The following MAP3K4 variants were observed in gnomAD, a reference collection of about 807,000 sequenced individuals.
MAP3K4 encodes mitogen-activated protein kinase kinase kinase 4, also known as MAP three kinase 1.
MAP3K4 carries 67 observed loss-of-function variants against 185.6 expected under a neutral mutation model. The ratio of observed to expected loss-of-function variants is 0.36; its 90% CI spans 0.30 to 0.44. The LOEUF (loss-of-function observed/expected upper bound fraction) is 0.44, where lower values mean the gene tolerates loss of function less well. MAP3K4 is among the 20% of genes least tolerant of loss of function. The pLI, the probability that MAP3K4 is intolerant of heterozygous loss-of-function variation, is 1.00. For missense variants in MAP3K4, 1,551 were observed against 1,995.1 expected (o/e 0.78, Z 4.24); for synonymous variants, 702 against 710.4 (o/e 0.99, Z 0.19).
rs1778290925 is a variant in MAP3K4, at chr6:161,110,317, A to T, written c.4396+403A>T. Among the ~76,000 whole-genome samples the T allele has an allele frequency of 6.6e-6, 1 of 152,230 alleles. No individual in the cohort carries two copies. The highest frequency in any genetic ancestry group is 1.9e-4 in the East Asian group (1 of 5,198). ...ACAGTAAATCAGATCAGAAGTGCACATATAAATTTGAGGCTACGTTTTTGA... is the reference window on the plus strand; with the variant it reads ...ACAGTAAATCAGATCAGAAGTGCACTTATAAATTTGAGGCTACGTTTTTGA... On this transcript the variant is annotated intron_variant, in intron 23 of 26. Coordinates refer to ENST00000392142, the MANE Select transcript of MAP3K4 (RefSeq NM_005922.4). This position sits in a 1 kb window ranked among gnomAD's most constrained non-coding sequence, Gnocchi z 4.8.
Position 161,108,943 on chromosome 6 carries a change from C to T in MAP3K4, c.4236+84C>T. The T allele has an allele frequency of 1.2e-6, 2 of 1,608,626 alleles. No individual in the cohort carries two copies. Among genetic ancestry groups the T allele is most frequent in the South Asian group, 1.1e-5 (1 of 90,810 alleles). On this transcript the variant is annotated intron_variant, in intron 22 of 26. Coordinates refer to ENST00000392142, the MANE Select transcript of MAP3K4 (RefSeq NM_005922.4). The surrounding 1 kb of genome is among the most constrained non-coding windows in gnomAD (Gnocchi z 5.7). ...TCCTGTTCTACATCACAGGTCTTCT[C>T]ATTTCAGAGCACAGTAACTTTGCCT...
At position 160,991,878 on chromosome 6, in the gene MAP3K4, C is replaced by G; in HGVS notation, c.-54C>G. 6 of 1,444,096 alleles carry G rather than the reference C, an allele frequency of 4.2e-6. No individual in the cohort carries two copies. Among genetic ancestry groups the G allele is most frequent in the Non-Finnish European group, 5.4e-6 (6 of 1,109,314 alleles). The allele number at this position is 1,444,096 out of a possible 1,614,324, so 89.5% of individuals were successfully genotyped here. A position where few individuals can be genotyped will look rare whatever the true frequency, so the allele number is the denominator to read the frequency against. ...CCCGCACTTCGGGGCTCCGGTGCCCCGCGCCAGGCTGCAGCTTACTGCCCG... is the reference window on the plus strand; with the variant it reads ...CCCGCACTTCGGGGCTCCGGTGCCCGGCGCCAGGCTGCAGCTTACTGCCCG... On this transcript the variant is annotated 5_prime_UTR_variant, in exon 1 of 27. Coordinates refer to ENST00000392142, the MANE Select transcript of MAP3K4 (RefSeq NM_005922.4). This position sits in a 1 kb window ranked among gnomAD's most constrained non-coding sequence, Gnocchi z 5.7.
Position 161,088,487 on chromosome 6 carries a change from A to T in MAP3K4, c.2823+533A>T, listed in dbSNP as rs1785853126. 6.6e-6 allele frequency among the ~76,000 whole-genome samples: 1 copy of T among 152,152 alleles called. No individual in the cohort carries two copies. The highest frequency in any genetic ancestry group is 2.4e-5 in the African/African-American group (1 of 41,430). On this transcript the variant is annotated intron_variant, in intron 10 of 26. Transcript: ENST00000392142. The surrounding 1 kb of genome is among the most constrained non-coding windows in gnomAD (Gnocchi z 4.5). Reference sequence around the variant, plus strand: ...TGCACCTTGAGCTCAGCCTCACCAGAACTGAGTATACACTGGCCTGCTGTA... The same window carrying T: ...TGCACCTTGAGCTCAGCCTCACCAGTACTGAGTATACACTGGCCTGCTGTA...
intron 1 of MAP3K4, among the ~76,000 whole-genome samples, chr6:161,005,962 A>T (rs1562476088): frequency 6.6e-6 from 1 of 151,966 alleles, no homozygotes; most frequent in African/African-American, 2.4e-5. Context: ...TAATTTTTGT[A>T]TTTTTAATAG....
chr6:161,091,294 A>C lies in MAP3K4; in HGVS notation c.2974-85A>C. 1 of 1,133,802 alleles carries C rather than the reference A, an allele frequency of 8.8e-7. No individual in the cohort carries two copies. The highest frequency in any genetic ancestry group is 2.1e-5 in the Admixed American group (1 of 46,538). The allele number at this position is 1,133,802 out of a possible 1,614,324, so 70.2% of individuals were successfully genotyped here. ...GTTTGTAGTGGTTAATGTCTGTGTG[A>C]TGATGAACGAAATCTTCCTTTAAAA... On this transcript the variant is annotated intron_variant, in intron 11 of 26. Coordinates refer to ENST00000392142, the MANE Select transcript of MAP3K4 (RefSeq NM_005922.4). The surrounding 1 kb of genome is among the most constrained non-coding windows in gnomAD (Gnocchi z 5.5).
At chr6:161,092,235 G>A (rs1466105604) in intron 13 of MAP3K4, 92 bp downstream of exon 13, 8 of 1,397,262 alleles carry the variant, frequency 5.7e-6, no homozygotes, top group African/African-American at 5.7e-5. Flanking sequence ...TTGAGCAGAC[G>A]ACACAGAAGG....
At position 161,056,666 on chromosome 6, in the gene MAP3K4, G is replaced by A. The variant is rs1179479522; in HGVS notation, c.1707+6687G>A. Among the ~76,000 whole-genome samples, 1 of 152,184 alleles carries A rather than the reference G, an allele frequency of 6.6e-6. No homozygotes were observed. Among genetic ancestry groups the A allele is most frequent in the African/African-American group, 2.4e-5 (1 of 41,442 alleles). On this transcript the variant is annotated intron_variant, in intron 3 of 26. Transcript: ENST00000392142. This position sits in a 1 kb window ranked among gnomAD's most constrained non-coding sequence, Gnocchi z 5.4. ...GTGAGGAATAAATTTATCAACTAGG[G>A]TGTAGTGTTTCAGTCAAGTTCCTTT...
chr6:161,085,801 A>G (rs1175907757), intron 7 of MAP3K4, among the ~76,000 whole-genome samples: 1 of 152,228 alleles, frequency 6.6e-6, no homozygotes, highest in Non-Finnish European at 1.5e-5. Flanking sequence ...ATGGTGAACT[A>G]GAGAGCGGTT....
chr6:161,095,451 A>G (rs186636591), intron 15 of MAP3K4, among the ~76,000 whole-genome samples: 6 of 152,344 alleles, frequency 3.9e-5, no homozygotes, highest in Non-Finnish European at 8.8e-5. Flanking sequence ...ATTGTTGCTT[A>G]CTTTCTTCCT....
Position 161,091,948 on chromosome 6 carries a change from AGTGT to A in MAP3K4, c.3136-58_3136-55del. On this transcript the variant is annotated intron_variant, in intron 12 of 26. Transcript: ENST00000392142. The surrounding 1 kb of genome is among the most constrained non-coding windows in gnomAD (Gnocchi z 5.5). ...GAAAACATTTTAGACATGGCATTAT[AGTGT>A]GTGATATTATTTAATGATCATTTCC... The A allele has an allele frequency of 6.0e-6, 8 of 1,344,434 alleles. No individual in the cohort carries two copies. The highest frequency in any genetic ancestry group is 8.5e-6 in the Non-Finnish European group (8 of 941,400). 83.3% of individuals were successfully genotyped at this position (1,344,434 alleles called of 1,614,324 possible).
rs1179877150 is a variant in MAP3K4 at position 161,007,474 on chromosome 6, T to G, written c.152+15391T>G. Among the ~76,000 whole-genome samples, 1 of 152,188 alleles carries G rather than the reference T, an allele frequency of 6.6e-6. No homozygotes were observed. The highest frequency in any genetic ancestry group is 2.4e-5 in the African/African-American group (1 of 41,454). Reference sequence around the variant, plus strand: ...ACACAGAACGTGGATTTCCTATCCATTGCTCTCTTAAGGAGCACAGGGCTC... The same window carrying G: ...ACACAGAACGTGGATTTCCTATCCAGTGCTCTCTTAAGGAGCACAGGGCTC... On this transcript the variant is annotated intron_variant, in intron 1 of 26. Coordinates refer to ENST00000392142, the MANE Select transcript of MAP3K4 (RefSeq NM_005922.4). The surrounding 1 kb of genome is among the most constrained non-coding windows in gnomAD (Gnocchi z 4.5).
In MAP3K4 at chr6:161,109,665, G is replaced by A. The variant is rs1443913423; in HGVS notation, c.4237-90G>A. 12 of 1,257,814 alleles carry A rather than the reference G, an allele frequency of 9.5e-6. No homozygotes were observed. The highest frequency in any genetic ancestry group is 3.9e-5 in the South Asian group (3 of 76,966). 77.9% of individuals were successfully genotyped at this position (1,257,814 alleles called of 1,614,324 possible). ...TACCGTTAGAAAGAACATTCCTTTG[G>A]GGTGTGGCCTAGGAAGTTTTCCAGA... On this transcript the variant is annotated intron_variant, in intron 22 of 26. Transcript: ENST00000392142. The surrounding 1 kb of genome is among the most constrained non-coding windows in gnomAD (Gnocchi z 5.7).
chr6:161,009,061 C>T (rs762907820), intron 1 of MAP3K4, among the ~76,000 whole-genome samples: 7 of 151,496 alleles, frequency 4.6e-5, no homozygotes, highest in Admixed American at 2.0e-4. Context: ...CTCGGCTTAC[C>T]ACAACCTCCG....
Position 161,096,107 on chromosome 6 carries a change from C to G in MAP3K4, c.3428-973C>G, listed in dbSNP as rs1028905643. Among the ~76,000 whole-genome samples the G allele has an allele frequency of 9.9e-5, 15 of 152,008 alleles. No homozygotes were observed. Among genetic ancestry groups the G allele is most frequent in the Admixed American group, 6.5e-5 (1 of 15,270 alleles). On this transcript the variant is annotated intron_variant, in intron 15 of 26. Coordinates refer to ENST00000392142, the MANE Select transcript of MAP3K4 (RefSeq NM_005922.4). The surrounding 1 kb of genome is among the most constrained non-coding windows in gnomAD (Gnocchi z 4.9). ...TAGCTAGGATAATGAATCAGAGACACAAATTGCCTGAGGGTTTTTTGTTAA... is the reference window on the plus strand; with the variant it reads ...TAGCTAGGATAATGAATCAGAGACAGAAATTGCCTGAGGGTTTTTTGTTAA...
intron 1 of MAP3K4, among the ~76,000 whole-genome samples, chr6:161,028,363 G>C (rs1013083214): frequency 6.6e-6 from 1 of 152,002 alleles, no homozygotes; most frequent in Non-Finnish European, 1.5e-5. Context: ...GTGTGGGGGC[G>C]TAGGGATTTC....
rs149468032 is a variant in MAP3K4 at position 161,048,695 on chromosome 6, G to A, written c.423G>A (p.Lys141=). 6.2e-7 allele frequency: 1 copy of A among 1,613,806 alleles called. No homozygotes were observed. The highest frequency in any genetic ancestry group is 8.5e-7 in the Non-Finnish European group (1 of 1,179,882). Residue 141 remains lysine, a synonymous_variant, in exon 3 of 27, where the codon AAG becomes AAA. Coordinates refer to ENST00000392142, the MANE Select transcript of MAP3K4 (RefSeq NM_005922.4). The surrounding 1 kb of genome is among the most constrained non-coding windows in gnomAD (Gnocchi z 4.7). The part of the protein sequence containing the change: ...TVENVEEYSY[K]QEKKIRAALR... ...AGAATGTGGAAGAATACAGCTATAA[G>A]CAGGAGAAAAAGATCCGAGCAGCTC...
chr6:161,105,649 T>G (rs371809599), intron 19 of MAP3K4, among the ~76,000 whole-genome samples: 1 of 152,146 alleles, frequency 6.6e-6, no homozygotes, highest in Non-Finnish European at 1.5e-5. Context: ...AAGAAGATAC[T>G]TTAGGCAGAG....
At chr6:161,050,084 C>T in intron 3 of MAP3K4, 105 bp downstream of exon 3, 2 of 1,149,332 alleles carry the variant, frequency 1.7e-6, no homozygotes, top group South Asian at 3.2e-5. Flanking sequence ...TATTTTTGAA[C>T]ACAAATGGCA....
chr6:161,060,618 CTTTTTTTT>C (rs35196179), intron 3 of MAP3K4, among the ~76,000 whole-genome samples: 2 of 126,414 alleles, frequency 1.6e-5, no homozygotes, highest in African/African-American at 3.0e-5. Flanking sequence ...TTTTCTTTTT[CTTTTTTTT>C]TTTTTTTTTT....
Sources: gnomAD v4.1 joint callset for allele counts (sites outside exome capture counted in the v4.1 genomes callset) on GRCh38, gnomAD v4.1.1 for gene constraint, Gnocchi (gnomAD v3.1) non-coding constraint, MANE v1.5 for transcripts, NCBI Gene and HGNC (gene_info 2026-07-23, HGNC 2026-07-21) for gene names.